The following GPR158 variants were observed in gnomAD, a reference collection of about 807,000 sequenced individuals.
GPR158 encodes metabotropic glycine receptor.
In GPR158, 30 loss-of-function variants were observed where a neutral mutation model predicts 78.2. The ratio of observed to expected loss-of-function variants is 0.38; its 90% CI spans 0.29 to 0.52. The LOEUF (loss-of-function observed/expected upper bound fraction) is 0.52. GPR158 is among the 20% of genes least tolerant of loss of function. The pLI is 0.83. For missense variants in GPR158, 1,463 were observed against 1,523.5 expected (o/e 0.96, Z 0.66); for synonymous variants, 581 against 591.1 (o/e 0.98, Z 0.25).
rs1221178870 is a variant in GPR158 at position 25,575,553 on chromosome 10, G to GT, written c.1753+2667dup. On this transcript the variant is annotated intron_variant, in intron 7 of 10. Transcript: ENST00000376351. ...AGTGGAGCTCAGCAATCTGTGTTTC[G>GT]TAAGTGTTCCAGGTGATTCTCATAT... 7.2e-5 allele frequency among the ~76,000 whole-genome samples: 11 copies of GT among 151,926 alleles called. No individual in the cohort carries two copies. The East Asian group carries it at 2.0e-3, about 27-fold the overall frequency.
chr10:25,489,201 A>G (rs530627847), intron 5 of GPR158, among the ~76,000 whole-genome samples: 1 of 152,284 alleles, frequency 6.6e-6, no homozygotes, highest in Admixed American at 6.5e-5. Context: ...ATTTCTGCCT[A>G]TCTATAAATT....
chr10:25,285,010 A>G (rs1364751197), intron 2 of GPR158, among the ~76,000 whole-genome samples: 2 of 152,108 alleles, frequency 1.3e-5, no homozygotes, highest in African/African-American at 2.4e-5. Flanking sequence ...TAGATAATAT[A>G]CAAATAAAAG....
intron 5 of GPR158, among the ~76,000 whole-genome samples, chr10:25,533,938 A>C (rs962187282): frequency 6.6e-6 from 1 of 152,174 alleles, no homozygotes; most frequent in East Asian, 1.9e-4. Flanking sequence ...AGTAATAATA[A>C]TGCCTACATC....
At chr10:25,356,772 A>G (rs1855560839) in intron 2 of GPR158, among the ~76,000 whole-genome samples, 1 of 152,116 alleles carries the variant, frequency 6.6e-6, no homozygotes, top group Non-Finnish European at 1.5e-5. Context: ...CATCTTAATC[A>G]GCAGCATGAA....
At chr10:25,301,962 T>G (rs997837188) in intron 2 of GPR158, among the ~76,000 whole-genome samples, 1 of 152,208 alleles carries the variant, frequency 6.6e-6, no homozygotes, top group African/African-American at 2.4e-5. Flanking sequence ...TAGAATTTCA[T>G]GTAAGTAGAA....
chr10:25,571,805 A>G (rs1837013071), intron 6 of GPR158, among the ~76,000 whole-genome samples: 1 of 152,200 alleles, frequency 6.6e-6, no homozygotes, highest in Non-Finnish European at 1.5e-5. Flanking sequence ...CTGGCTATTC[A>G]TCTGAGATAT....
intron 5 of GPR158, among the ~76,000 whole-genome samples, chr10:25,510,854 G>A (rs1290485463): frequency 6.6e-6 from 1 of 152,076 alleles, no homozygotes; most frequent in South Asian, 2.1e-4. Context: ...AATTCCATCC[G>A]GGTTGCTGTG....
intron 4 of GPR158, among the ~76,000 whole-genome samples, chr10:25,415,736 G>A (rs1254235563): frequency 6.6e-6 from 1 of 152,040 alleles, no homozygotes; most frequent in East Asian, 1.9e-4. Context: ...AAACTGCTAA[G>A]TAAAACAGTT....
chr10:25,491,153 A>G (rs1439164530), intron 5 of GPR158, among the ~76,000 whole-genome samples: 1 of 152,196 alleles, frequency 6.6e-6, no homozygotes, highest in Admixed American at 6.5e-5. Context: ...ATCAAAAATT[A>G]TCACATCAAA....
At chr10:25,586,884 G>A (rs547353321) in intron 7 of GPR158, among the ~76,000 whole-genome samples, 4 of 152,254 alleles carry the variant, frequency 2.6e-5, no homozygotes, top group South Asian at 4.2e-4. Context: ...CCAGGGTTTC[G>A]GTCTAGGTCC....
At chr10:25,581,752 A>T (rs1172767788) in intron 7 of GPR158, among the ~76,000 whole-genome samples, 1 of 152,188 alleles carries the variant, frequency 6.6e-6, no homozygotes, top group Non-Finnish European at 1.5e-5. Context: ...TTCATAAAAG[A>T]TCAAAAATCA....
In GPR158 at chr10:25,350,071, T is replaced by A. The variant is rs184430171; in HGVS notation, c.1009-45840T>A. Among the ~76,000 whole-genome samples the A allele has an allele frequency of 2.2e-4, 33 of 151,804 alleles. No homozygotes were observed. In the East Asian group the frequency reaches 6.3e-3, roughly 29 times the overall value. On this transcript the variant is annotated intron_variant, in intron 2 of 10. Coordinates refer to ENST00000376351, the MANE Select transcript of GPR158 (RefSeq NM_020752.3). ...GTTAAACTATGGAGTGCTAGGGGGA[T>A]AGGGGCTGAATTTTCACCTTTAGCT...
At chr10:25,528,498 AAAC>A (rs1836380219) in intron 5 of GPR158, among the ~76,000 whole-genome samples, 1 of 152,166 alleles carries the variant, frequency 6.6e-6, no homozygotes. Flanking sequence ...ATACAGTAGC[AAAC>A]AACTGGAGAA....
intron 1 of GPR158, among the ~76,000 whole-genome samples, chr10:25,190,515 T>A (rs1359346881): frequency 6.6e-6 from 1 of 152,068 alleles, no homozygotes; most frequent in East Asian, 1.9e-4. Flanking sequence ...CTATTTTTTG[T>A]AGAGATGGGA....
At chr10:25,321,960 C>T (rs375301214) in intron 2 of GPR158, among the ~76,000 whole-genome samples, 1 of 152,044 alleles carries the variant, frequency 6.6e-6, no homozygotes, top group African/African-American at 2.4e-5. Flanking sequence ...TCATATTTTT[C>T]TCTCTTTTAT....
chr10:25,528,342 T>G (rs901050613), intron 5 of GPR158, among the ~76,000 whole-genome samples: 6 of 152,002 alleles, frequency 3.9e-5, no homozygotes, highest in South Asian at 2.1e-4. Flanking sequence ...TATAGATATA[T>G]AGAGAGAGAT....
chr10:25,488,298 A>G (rs2130644176), intron 5 of GPR158, among the ~76,000 whole-genome samples: 1 of 152,288 alleles, frequency 6.6e-6, no homozygotes, highest in South Asian at 2.1e-4. Flanking sequence ...GGTCATGCTT[A>G]GCTTCAAGGG....
chr10:25,495,773 TTAC>T (rs1268261924), intron 5 of GPR158, among the ~76,000 whole-genome samples: 11 of 152,154 alleles, frequency 7.2e-5, no homozygotes. Context: ...CATCATAAAA[TTAC>T]TAGTACCCAT....
At chr10:25,279,987 A>G (rs937651090) in intron 2 of GPR158, among the ~76,000 whole-genome samples, 15 of 151,558 alleles carry the variant, frequency 9.9e-5, no homozygotes, top group African/African-American at 2.9e-4. Context: ...AAAAGAAAAT[A>G]TTATAACTAC....
Sources: gnomAD v4.1 joint callset for allele counts (sites outside exome capture counted in the v4.1 genomes callset) on GRCh38, gnomAD v4.1.1 for gene constraint, MANE v1.5 for transcripts, NCBI Gene and HGNC (gene_info 2026-07-23, HGNC 2026-07-21) for gene names.